The following EXOC4 variants were observed in gnomAD, a reference collection of about 807,000 sequenced individuals.
The protein encoded by EXOC4 is exocyst complex component 4.
A neutral mutation model predicts 107.2 loss-of-function variants in EXOC4; 71 were observed. The observed-to-expected ratio is 0.66, with a 90% confidence interval of 0.55 to 0.81. EXOC4 has a LOEUF of 0.81. EXOC4 is among the 30% of genes least tolerant of loss of function. The pLI, the probability that EXOC4 is intolerant of heterozygous loss-of-function variation, is 0.00. For missense variants in EXOC4, 1,108 were observed against 1,189.6 expected, an observed-to-expected ratio of 0.93 and a Z score of 1.01; for synonymous variants, 456 against 441.2, an observed-to-expected ratio of 1.03 and a Z score of -0.42.
At chr7:133,278,659 G>A (rs755836069) in intron 2 of EXOC4, among the ~76,000 whole-genome samples, 16 of 152,120 alleles carry the variant, frequency 1.1e-4, no homozygotes, top group Non-Finnish European at 2.1e-4. Flanking sequence ...TGGCAGGAGA[G>A]AGATGAGAGA....
intron 9 of EXOC4, among the ~76,000 whole-genome samples, chr7:133,566,117 G>A (rs779126454): frequency 6.6e-6 from 1 of 152,158 alleles, no homozygotes; most frequent in African/African-American, 2.4e-5. Flanking sequence ...TGAAAATATA[G>A]ATTCTGTCTT....
chr7:133,539,198 C>CA (rs1205488034), intron 9 of EXOC4, among the ~76,000 whole-genome samples: 1 of 152,092 alleles, frequency 6.6e-6, no homozygotes, highest in African/African-American at 2.4e-5. Flanking sequence ...AGGGCAGTGA[C>CA]AGAGTGTCCT....
chr7:133,425,596 C>T (rs1159017758), intron 7 of EXOC4, among the ~76,000 whole-genome samples: 1 of 152,134 alleles, frequency 6.6e-6, no homozygotes, highest in Non-Finnish European at 1.5e-5. Context: ...TCAAGACACT[C>T]TTATCATTTA....
At chr7:134,026,850 A>C (rs1795148407) in intron 17 of EXOC4, among the ~76,000 whole-genome samples, 1 of 152,186 alleles carries the variant, frequency 6.6e-6, no homozygotes, top group South Asian at 2.1e-4. Flanking sequence ...TTCTTAAAAA[A>C]CAAATGGTGT....
chr7:133,402,384 G>A lies in EXOC4; in HGVS notation c.1182+27382G>A, dbSNP rs536539660. On this transcript the variant is annotated intron_variant, in intron 7 of 17. Coordinates refer to ENST00000253861, the MANE Select transcript of EXOC4 (RefSeq NM_021807.4). ...AAGTTGTGGACAAGTCTCCTAATTCGGTGCTTCTCAAGCTTTAACAAGCAT... is the reference window on the plus strand; with the variant it reads ...AAGTTGTGGACAAGTCTCCTAATTCAGTGCTTCTCAAGCTTTAACAAGCAT... 3.3e-5 allele frequency among the ~76,000 whole-genome samples: 5 copies of A among 152,248 alleles called. No individual in the cohort carries two copies. In the East Asian group the frequency reaches 5.8e-4, roughly 18 times the overall value.
intron 9 of EXOC4, among the ~76,000 whole-genome samples, chr7:133,613,122 A>T (rs1012432974): frequency 2.6e-5 from 4 of 152,204 alleles, no homozygotes; most frequent in Non-Finnish European, 4.4e-5. Flanking sequence ...GAATGCACAA[A>T]CTATATATTG....
chr7:133,457,082 T>C (rs530112547), intron 7 of EXOC4, among the ~76,000 whole-genome samples: 5 of 152,318 alleles, frequency 3.3e-5, no homozygotes, highest in South Asian at 4.2e-4. Context: ...ACAGAAACTT[T>C]AGTGAAACGT....
intron 9 of EXOC4, among the ~76,000 whole-genome samples, chr7:133,627,526 A>G (rs1802485322): frequency 6.6e-6 from 1 of 152,176 alleles, no homozygotes; most frequent in African/African-American, 2.4e-5. Context: ...GAAGTGTGGA[A>G]TATATCCTAG....
intron 9 of EXOC4, among the ~76,000 whole-genome samples, chr7:133,520,392 A>C (rs1361442315): frequency 2.6e-5 from 4 of 152,052 alleles, no homozygotes; most frequent in Admixed American, 2.0e-4. Flanking sequence ...GCATTTTGTA[A>C]ATGTCTGAGT....
chr7:133,746,855 A>G (rs771779623), intron 10 of EXOC4, among the ~76,000 whole-genome samples: 5 of 152,166 alleles, frequency 3.3e-5, no homozygotes, highest in Non-Finnish European at 4.4e-5. Context: ...AAATTCTACC[A>G]TGATCCTTAT....
chr7:133,268,805 A>G (rs1383414052), intron 1 of EXOC4, among the ~76,000 whole-genome samples: 1 of 152,186 alleles, frequency 6.6e-6, no homozygotes, highest in Admixed American at 6.5e-5. Flanking sequence ...TTACATGTGT[A>G]CCGTGGTCCT....
At chr7:133,922,829 A>T (rs2116659122) in intron 13 of EXOC4, among the ~76,000 whole-genome samples, 1 of 151,944 alleles carries the variant, frequency 6.6e-6, no homozygotes, top group East Asian at 2.0e-4. Context: ...AGCCTGGGCG[A>T]CAGAGCGAGA....
At chr7:133,810,586 C>T (rs1797197950) in intron 10 of EXOC4, among the ~76,000 whole-genome samples, 1 of 87,622 alleles carries the variant, frequency 1.1e-5, no homozygotes, top group Non-Finnish European at 2.3e-5. Context: ...ACGATAAGAT[C>T]CATGCTTTGC....
intron 10 of EXOC4, among the ~76,000 whole-genome samples, chr7:133,815,341 C>T (rs1797341678): frequency 1.3e-5 from 2 of 148,262 alleles, no homozygotes; most frequent in African/African-American, 5.0e-5. Context: ...TACCACTGTA[C>T]TCCATCCTGG....
intron 4 of EXOC4, among the ~76,000 whole-genome samples, chr7:133,315,829 A>T (rs1794978998): frequency 6.6e-6 from 1 of 152,164 alleles, no homozygotes; most frequent in African/African-American, 2.4e-5. Flanking sequence ...AATTGGAAAT[A>T]TGCTGTTTGG....
intron 5 of EXOC4, among the ~76,000 whole-genome samples, chr7:133,344,676 T>C (rs976200819): frequency 1.3e-5 from 2 of 152,228 alleles, no homozygotes; most frequent in Non-Finnish European, 2.9e-5. Flanking sequence ...TGGTCAAGAT[T>C]GTGTCTGCTT....
intron 7 of EXOC4, among the ~76,000 whole-genome samples, chr7:133,416,188 A>T (rs550786807): frequency 1.3e-5 from 2 of 152,340 alleles, no homozygotes; most frequent in East Asian, 3.9e-4. Context: ...TGTAAAACAC[A>T]TTAAAAAGGT....
intron 10 of EXOC4, among the ~76,000 whole-genome samples, chr7:133,674,678 C>A (rs1016288146): frequency 1.3e-5 from 2 of 152,166 alleles, no homozygotes; most frequent in African/African-American, 4.8e-5. Flanking sequence ...TAAAGAACTT[C>A]TCCAGTTTAT....
At chr7:133,324,782 G>A (rs1316123278) in intron 5 of EXOC4, among the ~76,000 whole-genome samples, 3 of 152,152 alleles carry the variant, frequency 2.0e-5, no homozygotes, top group African/African-American at 4.8e-5. Context: ...TTTCTGTCTT[G>A]TTGATCTGTC....
Sources: gnomAD v4.1 joint callset for allele counts (sites outside exome capture counted in the v4.1 genomes callset) on GRCh38, gnomAD v4.1.1 for gene constraint, MANE v1.5 for transcripts, NCBI Gene and HGNC (gene_info 2026-07-23, HGNC 2026-07-21) for gene names.